The following RBFOX2 variants were observed in gnomAD, a reference collection of about 807,000 sequenced individuals.
The protein encoded by RBFOX2 is RNA binding protein fox-1 homolog 2.
In RBFOX2, 10 loss-of-function variants were observed where a neutral mutation model predicts 49.1. That is an observed-to-expected ratio of 0.20 (90% CI 0.13 to 0.35). The LOEUF (loss-of-function observed/expected upper bound fraction) is 0.35, where lower values mean the gene tolerates loss of function less well. Among genes scored for constraint, RBFOX2 ranks in the 10% least tolerant of loss-of-function variants. The pLI, the probability that RBFOX2 is intolerant of heterozygous loss-of-function variation, is 1.00. For synonymous variants in RBFOX2, 183 were observed against 187.4 expected (o/e 0.98, Z 0.19); for missense variants, 323 against 486.9 (o/e 0.66, Z 3.17).
chr22:35,880,319 G>A (rs1220078399), intron 1 of RBFOX2, among the ~76,000 whole-genome samples: 2 of 152,202 alleles, frequency 1.3e-5, no homozygotes, highest in African/African-American at 4.8e-5. Flanking sequence ...CATTATCTGA[G>A]AAGAAGAAAA....
At chr22:35,857,191 C>A (rs1028222161) in intron 1 of RBFOX2, among the ~76,000 whole-genome samples, 1 of 152,128 alleles carries the variant, frequency 6.6e-6, no homozygotes, top group African/African-American at 2.4e-5. Flanking sequence ...CAGATCTGAT[C>A]TTTAAAGATT....
chr22:35,910,710 T>C (rs1367773591), intron 1 of RBFOX2, among the ~76,000 whole-genome samples: 2 of 152,216 alleles, frequency 1.3e-5, no homozygotes, highest in African/African-American at 4.8e-5. Flanking sequence ...TGTGTCTGAA[T>C]GCATGCAAAG....
At position 35,954,341 on chromosome 22, in the gene RBFOX2, G is replaced by C. The variant is rs562548053; in HGVS notation, c.42+7222C>G. On this transcript the variant is annotated intron_variant, in intron 1 of 5. Transcript: ENST00000408983. ...GCTCTTAACACAGAATTCAGCATAA[G>C]TACACAACAACTGTCAAGCAGTATG... 3.7e-4 allele frequency among the ~76,000 whole-genome samples: 56 copies of C among 152,298 alleles called. 1 individual carries two copies. The highest frequency in any genetic ancestry group is 1.3e-3 in the African/African-American group (54 of 41,566).
chr22:35,951,236 C>G (rs939473119), intron 1 of RBFOX2, among the ~76,000 whole-genome samples: 1 of 123,020 alleles, frequency 8.1e-6, no homozygotes, highest in African/African-American at 3.3e-5. Flanking sequence ...TTACCGCACC[C>G]GGCCCTTTTT....
At chr22:35,925,252 C>T (rs1199112063) in intron 1 of RBFOX2, among the ~76,000 whole-genome samples, 1 of 152,010 alleles carries the variant, frequency 6.6e-6, no homozygotes, top group Non-Finnish European at 1.5e-5. Flanking sequence ...GGTGCAGTGG[C>T]TCACACCTGT....
intron 1 of RBFOX2, among the ~76,000 whole-genome samples, chr22:35,988,329 T>C (rs1372672861): frequency 6.6e-6 from 1 of 152,152 alleles, no homozygotes; most frequent in Admixed American, 6.5e-5. Flanking sequence ...CTGTGCTACA[T>C]ACTGGGAATT....
At chr22:35,875,777 C>G (rs909327552) in intron 1 of RBFOX2, among the ~76,000 whole-genome samples, 1 of 151,908 alleles carries the variant, frequency 6.6e-6, no homozygotes, top group Non-Finnish European at 1.5e-5. Context: ...GCCTCCTTAT[C>G]CCCCTAGGAG....
intron 1 of RBFOX2, among the ~76,000 whole-genome samples, chr22:35,891,767 G>A (rs1194832828): frequency 6.6e-6 from 1 of 151,614 alleles, no homozygotes; most frequent in African/African-American, 2.4e-5. Flanking sequence ...AATCATATCT[G>A]TCTGTCTCTT....
chr22:35,847,742 A>G (rs2041401753), intron 1 of RBFOX2, among the ~76,000 whole-genome samples: 1 of 152,144 alleles, frequency 6.6e-6, no homozygotes, highest in Non-Finnish European at 1.5e-5. Context: ...CCATTTCTAA[A>G]CGACGTTAAT....
chr22:35,850,232 A>ACACACACACACACC (rs1302775534), intron 1 of RBFOX2, among the ~76,000 whole-genome samples: 2 of 150,850 alleles, frequency 1.3e-5, no homozygotes, highest in Non-Finnish European at 2.9e-5. Flanking sequence ...ACACACACAC[A>ACACACACACACACC]CACCCTTCTC....
intron 1 of RBFOX2, among the ~76,000 whole-genome samples, chr22:35,852,805 A>C (rs1036245661): frequency 6.6e-6 from 1 of 152,210 alleles, no homozygotes; most frequent in Non-Finnish European, 1.5e-5. Flanking sequence ...TTGGTGACTT[A>C]ATTATAGAGG....
At chr22:35,863,395 C>G (rs1421235651) in intron 1 of RBFOX2, among the ~76,000 whole-genome samples, 1 of 152,140 alleles carries the variant, frequency 6.6e-6, no homozygotes, top group Non-Finnish European at 1.5e-5. Context: ...GCAACATGTT[C>G]TCTCTTTAAC....
At chr22:35,919,186 A>C (rs1034597060) in intron 1 of RBFOX2, among the ~76,000 whole-genome samples, 1 of 152,236 alleles carries the variant, frequency 6.6e-6, no homozygotes, top group Non-Finnish European at 1.5e-5. Flanking sequence ...AAATCTGTAG[A>C]AAAGTGGAGA....
At chr22:35,967,923 T>G (rs936975766) in intron 1 of RBFOX2, among the ~76,000 whole-genome samples, 1 of 152,084 alleles carries the variant, frequency 6.6e-6, no homozygotes, top group Admixed American at 6.6e-5. Flanking sequence ...ATAATACAAT[T>G]TTTCCCAGAA....
chr22:35,743,917 A>G (rs1355348563), exon 12 of RBFOX2: 2 of 355,702 alleles, frequency 5.6e-6, no homozygotes, highest in East Asian at 4.4e-5. Context: ...ACATACAGAC[A>G]TGGAAATGCA....
intron 1 of RBFOX2, among the ~76,000 whole-genome samples, chr22:35,820,614 C>T (rs1321197296): frequency 6.6e-6 from 1 of 152,176 alleles, no homozygotes; most frequent in Non-Finnish European, 1.5e-5. Flanking sequence ...CTTTACAGAA[C>T]ATGAACTCTT....
In RBFOX2 at chr22:35,759,690, T is replaced by C. The variant is rs1037978716; in HGVS notation, c.887+198A>G. ...TTAAGGTGGCCAAAATGAAGACTTA[T>C]AATGAATTGACAGTTTGTCACATTC... On this transcript the variant is annotated intron_variant, in intron 9 of 11. Coordinates refer to ENST00000405409, the Ensembl canonical transcript of RBFOX2. The surrounding 1 kb of genome is among the most constrained non-coding windows in gnomAD (Gnocchi z 4.6). 7.9e-5 allele frequency among the ~76,000 whole-genome samples: 12 copies of C among 152,222 alleles called. No individual in the cohort carries two copies. In the South Asian group the frequency reaches 1.9e-3, roughly 24 times the overall value.
intron 1 of RBFOX2, among the ~76,000 whole-genome samples, chr22:36,017,864 A>G (rs2059102104): frequency 6.6e-6 from 1 of 152,206 alleles, no homozygotes; most frequent in Non-Finnish European, 1.5e-5. Context: ...TCAGGTTGCT[A>G]TGCCTACCCA....
At chr22:35,829,774 G>A (rs1956445458) in intron 1 of RBFOX2, among the ~76,000 whole-genome samples, 2 of 152,116 alleles carry the variant, frequency 1.3e-5, no homozygotes, top group South Asian at 4.1e-4. Flanking sequence ...TACTTGCCAT[G>A]GGTTGCCAAT....
Sources: allele counts gnomAD v4.1 joint callset (sites outside exome capture counted in the v4.1 genomes callset), GRCh38; gene constraint gnomAD v4.1.1; non-coding constraint Gnocchi (gnomAD v3.1); transcripts MANE v1.5; gene names NCBI Gene and HGNC (gene_info 2026-07-23, HGNC 2026-07-21).